Variants in NRG3 observed in about 807,000 individuals in gnomAD.
NRG3 encodes neuregulin 3, also known as pro-neuregulin-3, membrane-bound isoform.
Under a neutral mutation model 66.9 loss-of-function variants are expected in NRG3, and 31 were observed. The observed-to-expected ratio is 0.46, with a 90% CI of 0.35 to 0.63. NRG3 has a LOEUF of 0.63. NRG3 is among the 20% of genes least tolerant of loss of function. The pLI is 0.00. For missense variants in NRG3, 910 were observed against 878.9 expected (o/e 1.04, Z -0.45); for synonymous variants, 393 against 359.4 (o/e 1.09, Z -1.06).
intron 3 of NRG3, among the ~76,000 whole-genome samples, chr10:82,783,797 G>C (rs1196985833): frequency 1.3e-5 from 2 of 152,128 alleles, no homozygotes; most frequent in Non-Finnish European, 2.9e-5. Context: ...GTAATTTATA[G>C]CTTCAATGCC....
chr10:82,445,498 G>A (rs1721596269), intron 2 of NRG3, among the ~76,000 whole-genome samples: 1 of 152,200 alleles, frequency 6.6e-6, no homozygotes, highest in African/African-American at 2.4e-5. Context: ...CCTTCTTAGG[G>A]GCTCTCTGTG....
At chr10:82,334,411 C>G (rs1373991731) in intron 1 of NRG3, among the ~76,000 whole-genome samples, 2 of 152,010 alleles carry the variant, frequency 1.3e-5, no homozygotes, top group African/African-American at 4.8e-5. Flanking sequence ...ATGATAAGGG[C>G]TATGACAAAA....
intron 4 of NRG3, among the ~76,000 whole-genome samples, chr10:82,880,354 A>G (rs1418743079): frequency 6.6e-6 from 1 of 152,146 alleles, no homozygotes; most frequent in East Asian, 1.9e-4. Context: ...TGAGACTGCC[A>G]TTCGTGGAAG....
At chr10:81,885,461 T>G (rs1165101423) in intron 1 of NRG3, among the ~76,000 whole-genome samples, 1 of 152,156 alleles carries the variant, frequency 6.6e-6, no homozygotes, top group African/African-American at 2.4e-5. Flanking sequence ...CTACCAGTTC[T>G]AAGAAGGGGA....
At chr10:82,884,438 A>G (rs1397424697) in intron 4 of NRG3, among the ~76,000 whole-genome samples, 2 of 152,210 alleles carry the variant, frequency 1.3e-5, no homozygotes, top group Admixed American at 6.5e-5. Context: ...GCCAAAAGAA[A>G]TGTGGAAAAT....
chr10:82,328,085 G>T (rs1010601977), intron 1 of NRG3, among the ~76,000 whole-genome samples: 1 of 152,162 alleles, frequency 6.6e-6, no homozygotes, highest in Admixed American at 6.5e-5. Context: ...AGGGTTGTGG[G>T]GGGGCACAAT....
intron 1 of NRG3, among the ~76,000 whole-genome samples, chr10:82,202,425 CA>C (rs901031665): frequency 3.3e-5 from 5 of 151,754 alleles, no homozygotes; most frequent in Admixed American, 1.3e-4. Context: ...AAACTGAAGG[CA>C]AAAAAAATCC....
intron 1 of NRG3, among the ~76,000 whole-genome samples, chr10:82,109,121 C>A (rs2067228199): frequency 6.6e-6 from 1 of 152,090 alleles, no homozygotes; most frequent in African/African-American, 2.4e-5. Flanking sequence ...ACCAATTATA[C>A]TAGTCGCTAA....
chr10:82,375,403 G>A (rs1462399455), intron 2 of NRG3, among the ~76,000 whole-genome samples: 1 of 152,042 alleles, frequency 6.6e-6, no homozygotes, highest in East Asian at 1.9e-4. Context: ...CGGGCGTGGT[G>A]GCAGGTGCCT....
intron 4 of NRG3, among the ~76,000 whole-genome samples, chr10:82,949,120 G>GT (rs1490577633): frequency 6.6e-6 from 1 of 152,012 alleles, no homozygotes; most frequent in Admixed American, 6.6e-5. Flanking sequence ...GTTTGGCTAT[G>GT]TTTTTGCCTC....
intron 1 of NRG3, among the ~76,000 whole-genome samples, chr10:82,117,251 C>T (rs574324929): frequency 6.6e-6 from 1 of 152,214 alleles, no homozygotes; most frequent in African/African-American, 2.4e-5. Context: ...CACATTTGTA[C>T]CATACCTTGA....
chr10:82,422,054 T>G (rs1289434869), intron 2 of NRG3, among the ~76,000 whole-genome samples: 2 of 152,086 alleles, frequency 1.3e-5, no homozygotes, highest in Non-Finnish European at 2.9e-5. Flanking sequence ...TATGATCGTT[T>G]AGTTAAGCAA....
intron 6 of NRG3, among the ~76,000 whole-genome samples, chr10:82,967,545 C>T (rs563799783): frequency 2.6e-5 from 4 of 152,262 alleles, no homozygotes; most frequent in Admixed American, 1.3e-4. Context: ...TGCATTTGGG[C>T]GGTAGTTTTG....
chr10:82,034,611 A>T (rs1189480194), intron 1 of NRG3, among the ~76,000 whole-genome samples: 1 of 152,130 alleles, frequency 6.6e-6, no homozygotes, highest in Non-Finnish European at 1.5e-5. Flanking sequence ...CAACTGACTT[A>T]TGAAAGCAAC....
chr10:82,260,469 G>A (rs2077965962), intron 1 of NRG3, among the ~76,000 whole-genome samples: 1 of 152,156 alleles, frequency 6.6e-6, no homozygotes. Context: ...ATTATATCTG[G>A]AATTAGATGC....
intron 1 of NRG3, among the ~76,000 whole-genome samples, chr10:81,929,821 A>C (rs1239031224): frequency 6.6e-6 from 1 of 152,248 alleles, no homozygotes; most frequent in Non-Finnish European, 1.5e-5. Flanking sequence ...GAAGTCTACC[A>C]GATGATTCTA....
chr10:81,975,503 C>T (rs866511052), intron 1 of NRG3, among the ~76,000 whole-genome samples: 12 of 151,976 alleles, frequency 7.9e-5, no homozygotes, highest in Middle Eastern at 3.2e-3. Context: ...GGAAGTGATT[C>T]CTGGAAGCAC....
At chr10:82,765,271 T>C (rs1335935987) in intron 3 of NRG3, among the ~76,000 whole-genome samples, 2 of 152,172 alleles carry the variant, frequency 1.3e-5, no homozygotes, top group African/African-American at 4.8e-5. Flanking sequence ...TCAATTATTT[T>C]TCTTACAATT....
At chr10:82,473,931 C>T (rs925624848) in intron 2 of NRG3, among the ~76,000 whole-genome samples, 1 of 151,780 alleles carries the variant, frequency 6.6e-6, no homozygotes, top group Non-Finnish European at 1.5e-5. Flanking sequence ...ACAGCTAAGG[C>T]CCAGAGGAGA....
Sources: gnomAD v4.1 joint callset for allele counts (sites outside exome capture counted in the v4.1 genomes callset) on GRCh38, gnomAD v4.1.1 for gene constraint, MANE v1.5 for transcripts, NCBI Gene and HGNC (gene_info 2026-07-23, HGNC 2026-07-21) for gene names.